The following DOCK3 variants were observed in gnomAD, a reference collection of about 807,000 sequenced individuals.
DOCK3 encodes the protein dedicator of cytokinesis protein 3.
Under a neutral mutation model 265.6 loss-of-function variants are expected in DOCK3, and 60 were observed. The ratio of observed to expected loss-of-function variants is 0.23; its 90% CI spans 0.18 to 0.28. The LOEUF is 0.28. Among genes scored for constraint, DOCK3 ranks in the 10% least tolerant of loss-of-function variants. DOCK3 has a pLI of 1.00. For synonymous variants in DOCK3, 881 were observed against 938.0 expected (o/e 0.94, Z 1.11); for missense variants, 1,981 against 2,594.3 (o/e 0.76, Z 5.14).
At position 51,059,486 on chromosome 3, in the gene DOCK3, CA is replaced by C. The variant is rs58729071; in HGVS notation, c.316-4961del. 3.1e-4 allele frequency among the ~76,000 whole-genome samples: 47 copies of C among 151,732 alleles called. 1 individual carries two copies. Among genetic ancestry groups the C allele is most frequent in the Admixed American group, 2.4e-3 (37 of 15,198 alleles). On this transcript the variant is annotated intron_variant, in intron 5 of 52. Transcript: ENST00000266037. Reference sequence around the variant, plus strand: ...ACACACACACACACACACACACACACACACACACCCCACATCCCACATTACT... The same window carrying C: ...ACACACACACACACACACACACACACCACACACCCCACATCCCACATTACT...
intron 11 of DOCK3, 32 bp downstream of exon 11, chr3:51,159,336 A>G (rs748152925): frequency 3.8e-6 from 6 of 1,598,702 alleles, no homozygotes; most frequent in East Asian, 2.2e-5. Context: ...CACATGACTA[A>G]GAATGGCCCA....
chr3:50,905,881 A>G (rs914963856), intron 4 of DOCK3, among the ~76,000 whole-genome samples: 7 of 152,072 alleles, frequency 4.6e-5, no homozygotes, highest in African/African-American at 1.7e-4. Flanking sequence ...CCCATTCAGT[A>G]TGATATTGGC....
In DOCK3 at chr3:50,686,216, C is replaced by T. The variant is rs1412786465; in HGVS notation, c.37+10916C>T. Among the ~76,000 whole-genome samples, 5 of 152,054 alleles carry T rather than the reference C, an allele frequency of 3.3e-5. No individual in the cohort carries two copies. In the South Asian group the frequency reaches 8.3e-4, roughly 25 times the overall value. ...AGGCAGTGACACCAGAAGTGTGTTGCTTATGTCCAGTCAATGCCTTAATCT... is the reference window on the plus strand; with the variant it reads ...AGGCAGTGACACCAGAAGTGTGTTGTTTATGTCCAGTCAATGCCTTAATCT... On this transcript the variant is annotated intron_variant, in intron 1 of 52. Coordinates refer to ENST00000266037, the MANE Select transcript of DOCK3 (RefSeq NM_004947.5).
At chr3:51,156,510 T>C (rs2085858799) in intron 10 of DOCK3, among the ~76,000 whole-genome samples, 1 of 152,250 alleles carries the variant, frequency 6.6e-6, no homozygotes, top group Non-Finnish European at 1.5e-5. Context: ...GAAGAATATA[T>C]GTTTAACAAA....
At chr3:50,905,138 A>G (rs1165307475) in intron 4 of DOCK3, among the ~76,000 whole-genome samples, 1 of 152,112 alleles carries the variant, frequency 6.6e-6, no homozygotes, top group African/African-American at 2.4e-5. Flanking sequence ...TTTTTGTACC[A>G]GTACCATGCT....
At chr3:50,946,939 C>T (rs1482989073) in intron 5 of DOCK3, among the ~76,000 whole-genome samples, 1 of 152,088 alleles carries the variant, frequency 6.6e-6, no homozygotes, top group East Asian at 1.9e-4. Flanking sequence ...ATTGTACAGT[C>T]ACTGTAAAAA....
intron 5 of DOCK3, among the ~76,000 whole-genome samples, chr3:51,017,309 T>C (rs1012912482): frequency 7.3e-5 from 11 of 151,594 alleles, no homozygotes. Context: ...GTTTATCTTT[T>C]CAAAAAGTCA....
intron 12 of DOCK3, among the ~76,000 whole-genome samples, chr3:51,181,369 T>A: frequency 6.9e-6 from 1 of 145,252 alleles, no homozygotes; most frequent in Admixed American, 7.2e-5. Flanking sequence ...TTCCCAGCTA[T>A]GAGTGAGAAC....
intron 2 of DOCK3, among the ~76,000 whole-genome samples, chr3:50,814,833 CT>C (rs923884303): frequency 2.2e-4 from 33 of 147,976 alleles, no homozygotes; most frequent in African/African-American, 4.0e-4. Context: ...TTTTTTCATT[CT>C]TTTTTTTTTG....
chr3:50,807,109 C>T (rs375549492), intron 2 of DOCK3, among the ~76,000 whole-genome samples: 1 of 152,172 alleles, frequency 6.6e-6, no homozygotes, highest in Admixed American at 6.5e-5. Context: ...ACAGATGCAT[C>T]TCCACTCCTC....
chr3:50,978,710 A>G (rs548565820), intron 5 of DOCK3, among the ~76,000 whole-genome samples: 4 of 152,312 alleles, frequency 2.6e-5, no homozygotes, highest in African/African-American at 9.6e-5. Flanking sequence ...TTACCTAAGC[A>G]AGCCTGGGCA....
intron 14 of DOCK3, among the ~76,000 whole-genome samples, chr3:51,218,202 G>A (rs1248107479): frequency 6.6e-6 from 1 of 152,116 alleles, no homozygotes; most frequent in African/African-American, 2.4e-5. Flanking sequence ...GGGAGGCCGA[G>A]GCAGGTGGAT....
At chr3:51,034,474 C>T (rs1184023261) in intron 5 of DOCK3, among the ~76,000 whole-genome samples, 1 of 152,000 alleles carries the variant, frequency 6.6e-6, no homozygotes, top group Non-Finnish European at 1.5e-5. Flanking sequence ...TATTGTTCCA[C>T]TTCACATGAA....
intron 5 of DOCK3, among the ~76,000 whole-genome samples, chr3:50,989,493 T>C (rs900617584): frequency 3.9e-5 from 6 of 152,170 alleles, no homozygotes; most frequent in African/African-American, 1.4e-4. Flanking sequence ...AACTGACCAG[T>C]AAGCCTAAGT....
intron 38 of DOCK3, among the ~76,000 whole-genome samples, chr3:51,346,207 T>C (rs1054319122): frequency 2.0e-5 from 3 of 152,144 alleles, no homozygotes; most frequent in African/African-American, 4.8e-5. Flanking sequence ...TTGTTACATA[T>C]GTATACTGTG....
intron 43 of DOCK3, 112 bp downstream of exon 43, chr3:51,356,605 C>A: frequency 9.3e-7 from 1 of 1,073,598 alleles, no homozygotes. Flanking sequence ...CCTGCCTGGC[C>A]AAGGCTCCCA....
chr3:50,981,074 T>C (rs1436272096), intron 5 of DOCK3, among the ~76,000 whole-genome samples: 1 of 152,218 alleles, frequency 6.6e-6, no homozygotes, highest in African/African-American at 2.4e-5. Context: ...CACATTTTTA[T>C]GTAGTAGGCA....
At chr3:51,215,230 C>T (rs1001169698) in intron 14 of DOCK3, among the ~76,000 whole-genome samples, 2 of 152,288 alleles carry the variant, frequency 1.3e-5, no homozygotes, top group Admixed American at 1.3e-4. Context: ...GCCTCAGCCT[C>T]CCGAGTAGCT....
intron 10 of DOCK3, among the ~76,000 whole-genome samples, chr3:51,153,724 T>C (rs764714279): frequency 2.6e-5 from 4 of 152,204 alleles, no homozygotes; most frequent in Admixed American, 6.5e-5. Flanking sequence ...ACCAATCAAC[T>C]TAGAAAAGGT....
Sources: gnomAD v4.1 joint callset for allele counts (sites outside exome capture counted in the v4.1 genomes callset) on GRCh38, gnomAD v4.1.1 for gene constraint, MANE v1.5 for transcripts, NCBI Gene and HGNC (gene_info 2026-07-23, HGNC 2026-07-21) for gene names.